PLAUR: variants seen among roughly 807,000 people sequenced by gnomAD.
The protein encoded by PLAUR is plasminogen activator, urokinase receptor, also known as urokinase plasminogen activator surface receptor.
A neutral mutation model predicts 33.4 loss-of-function variants in PLAUR; 22 were observed. The observed-to-expected ratio is 0.66, with a 90% CI of 0.47 to 0.94. The LOEUF is 0.94. PLAUR is among the 40% of genes least tolerant of loss of function. The pLI is 0.00. For synonymous variants in PLAUR, 148 were observed against 167.3 expected (o/e 0.88, Z 0.89); for missense variants, 408 against 434.7 (o/e 0.94, Z 0.55).
chr19:43,668,549 C>T (rs1297056029), intron 1 of PLAUR, among the ~76,000 whole-genome samples: 3 of 151,152 alleles, frequency 2.0e-5, no homozygotes, highest in African/African-American at 7.3e-5. Context: ...CCGCCCCAGT[C>T]CCTTCTTGAG....
rs894172706 is a variant in PLAUR, at chr19:43,668,282, T to C, written c.56-591A>G. The stretch of plus-strand genomic sequence containing the variant: ...GAGTTTCTATTGTTAGATACTCTAG[T>C]TTCCCGCGAAGTTCTGTCTCCGCCC... On this transcript the variant is annotated intron_variant, in intron 1 of 6. Coordinates refer to ENST00000340093, the MANE Select transcript of PLAUR (RefSeq NM_002659.4). 3.0e-6 allele frequency: 3 copies of C among 986,704 alleles called. No homozygotes were observed. In the South Asian group the frequency reaches 1.4e-4, roughly 45 times the overall value. 61.1% of individuals were successfully genotyped at this position (986,704 alleles called of 1,614,324 possible).
Position 43,648,671 on chromosome 19 carries a change from T to G in PLAUR, c.*219A>C. 1 of 766,046 alleles carries G rather than the reference T, an allele frequency of 1.3e-6. No homozygotes were observed. 47.5% of individuals were successfully genotyped at this position (766,046 alleles called of 1,614,324 possible). On this transcript the variant is annotated 3_prime_UTR_variant, in exon 7 of 7. Transcript: ENST00000340093. The stretch of plus-strand genomic sequence containing the variant: ...ACAACAGCGGCAACAATATTAATAA[T>G]AACAAGAGCTCTCCCATTGGCCCAC...
downstream of PLAUR, among the ~76,000 whole-genome samples, chr19:43,648,322 C>T (rs561112400): frequency 6.6e-6 from 1 of 152,054 alleles, no homozygotes; most frequent in African/African-American, 2.4e-5. Flanking sequence ...ACTACAGGCA[C>T]CCGCCACCAC....
intron 6 of PLAUR, among the ~76,000 whole-genome samples, chr19:43,649,707 AGAAAGAAAGG>A (rs1187231439): frequency 1.3e-5 from 2 of 151,960 alleles, no homozygotes; most frequent in East Asian, 3.9e-4. Flanking sequence ...GAAGAAAGAA[AGAAAGAAAGG>A]GAAAGAGAGA....
At chr19:43,651,220 A>T (rs2146201378) in intron 6 of PLAUR, among the ~76,000 whole-genome samples, 1 of 151,770 alleles carries the variant, frequency 6.6e-6, no homozygotes, top group East Asian at 2.0e-4. Context: ...CTGGGATTAT[A>T]GGCATGTGCC....
Position 43,648,969 on chromosome 19 carries a change from G to A in PLAUR, c.929C>T (p.Pro310Leu), listed in dbSNP as rs914421373. The A allele has an allele frequency of 2.5e-6, 4 of 1,614,166 alleles. No individual in the cohort carries two copies. Among genetic ancestry groups the A allele is most frequent in the African/African-American group, 1.3e-5 (1 of 75,060 alleles). Reference sequence around the variant, plus strand: ...GGTGAGGCTGAGATGGGCAGGGCCAGGCTGAGGAGCAGCCCCACTGCGGTA... The same window carrying A: ...GGTGAGGCTGAGATGGGCAGGGCCAAGCTGAGGAGCAGCCCCACTGCGGTA... ...VQYRSGAAPQ[P>L]GPAHLSLTIT... Residue 310 changes from proline to leucine, a missense_variant, in exon 7 of 7, where the codon CCT becomes CTT. Pro to Leu is a moderately conservative substitution (Grantham distance 98). Coordinates refer to ENST00000340093, the MANE Select transcript of PLAUR (RefSeq NM_002659.4).
chr19:43,648,394 G>A (rs984741303), downstream of PLAUR, among the ~76,000 whole-genome samples: 1 of 152,088 alleles, frequency 6.6e-6, no homozygotes, highest in African/African-American at 2.4e-5. Context: ...GTTCAAGATG[G>A]CAGTGCTCCT....
chr19:43,650,260 T>C (rs1026528200), intron 6 of PLAUR, among the ~76,000 whole-genome samples: 2 of 151,598 alleles, frequency 1.3e-5, no homozygotes, highest in Admixed American at 6.6e-5. Context: ...CTGCCCGCCT[T>C]GGCCTCCCAA....
chr19:43,667,645 G>T lies in PLAUR; in HGVS notation c.102C>A (p.Cys34Ter). 1 of 1,614,030 alleles carries T rather than the reference G, an allele frequency of 6.2e-7. No homozygotes were observed. The highest frequency in any genetic ancestry group is 1.3e-5 in the African/African-American group (1 of 75,022). ...GTCCCAGGGCGCACTCTTCCACACG[G>T]CAATCCCCGTTGGTCTTACACTGCA... ...RCMQCKTNGDCRVEECALGQD... is the reference protein window; with the variant it reads ...RCMQCKTNGD Residue 34 changes from cysteine (C) to a stop codon, truncating the protein, a stop_gained, in exon 2 of 7, where the codon TGC becomes TGA. Transcript: ENST00000340093. LOFTEE classifies it high-confidence loss of function.
intron 3 of PLAUR, 134 bp from the exon 4 acceptor site, chr19:43,656,774 CT>C: frequency 4.3e-6 from 3 of 690,256 alleles, no homozygotes; most frequent in Non-Finnish European, 7.0e-6. Flanking sequence ...CCTATTCTGC[CT>C]GCTGAATCTT....
At chr19:43,668,509 C>G (rs1967369166) in intron 1 of PLAUR, among the ~76,000 whole-genome samples, 1 of 151,294 alleles carries the variant, frequency 6.6e-6, no homozygotes, top group Non-Finnish European at 1.5e-5. Context: ...TAGCTCTCCC[C>G]GCCCCTAGTT....
downstream of PLAUR, chr19:43,646,185 T>C (rs1215781200): frequency 3.4e-6 from 1 of 292,994 alleles, no homozygotes. Context: ...GAGATCTTCC[T>C]TTCTCACCCT....
At chr19:43,659,618 G>A (rs1306990630) in intron 3 of PLAUR, among the ~76,000 whole-genome samples, 1 of 152,228 alleles carries the variant, frequency 6.6e-6, no homozygotes, top group South Asian at 2.1e-4. Context: ...GAGGCCCCAT[G>A]GCTATACCTC....
intron 3 of PLAUR, among the ~76,000 whole-genome samples, chr19:43,660,071 C>T (rs550872404): frequency 1.3e-5 from 2 of 152,180 alleles, no homozygotes; most frequent in South Asian, 4.2e-4. Context: ...CTTTTATTTT[C>T]TTCAGGATAC....
chr19:43,663,103 C>T (rs1253983906), intron 3 of PLAUR, among the ~76,000 whole-genome samples: 2 of 152,108 alleles, frequency 1.3e-5, no homozygotes, highest in Admixed American at 6.6e-5. Context: ...TCTAGGGTCC[C>T]ACAGCTCCTA....
chr19:43,651,645 A>C (rs1973999172), intron 6 of PLAUR: 1 of 203,548 alleles, frequency 4.9e-6, no homozygotes, highest in African/African-American at 2.4e-5. Flanking sequence ...CATGGTGGCC[A>C]GGCTTGCTCT....
intron 3 of PLAUR, among the ~76,000 whole-genome samples, chr19:43,659,512 T>C (rs1974354057): frequency 6.6e-6 from 1 of 152,132 alleles, no homozygotes; most frequent in Non-Finnish European, 1.5e-5. Context: ...GGGGTAAATA[T>C]TGACATGACT....
chr19:43,653,921 C>G (rs893820366), intron 5 of PLAUR, among the ~76,000 whole-genome samples: 2 of 151,760 alleles, frequency 1.3e-5, no homozygotes, highest in Non-Finnish European at 2.9e-5. Context: ...GTCAGGAGAT[C>G]GAGATCATCC....
intron 6 of PLAUR, 39 bp from the exon 7 acceptor site, chr19:43,649,182 G>C: frequency 6.3e-7 from 1 of 1,592,520 alleles, no homozygotes; most frequent in Non-Finnish European, 8.6e-7. Flanking sequence ...TCCAGCTCCT[G>C]GGCCCAGGAC....
Sources: allele counts gnomAD v4.1 joint callset (sites outside exome capture counted in the v4.1 genomes callset), GRCh38; gene constraint gnomAD v4.1.1; transcripts MANE v1.5; gene names NCBI Gene and HGNC (gene_info 2026-07-23, HGNC 2026-07-21).